NT5DC3: variants seen among roughly 807,000 people sequenced by gnomAD.
NT5DC3 encodes the protein 5'-nucleotidase domain containing 3.
A neutral mutation model predicts 67.8 loss-of-function variants in NT5DC3; 42 were observed. The ratio of observed to expected loss-of-function variants is 0.62; its 90% confidence interval spans 0.48 to 0.80. The LOEUF (loss-of-function observed/expected upper bound fraction) is 0.80, where lower values mean the gene tolerates loss of function less well. NT5DC3 is among the 30% of genes least tolerant of loss of function. The pLI, the probability that NT5DC3 is intolerant of heterozygous loss-of-function variation, is 0.00. For synonymous variants in NT5DC3, 237 were observed against 255.6 expected, an observed-to-expected ratio of 0.93 and a Z score of 0.69; for missense variants, 570 against 696.4, an observed-to-expected ratio of 0.82 and a Z score of 2.04.
At chr12:103,803,745 G>A (rs117932686) in intron 4 of NT5DC3, among the ~76,000 whole-genome samples, 14,430 of 151,950 alleles carry the variant, frequency 0.095, 961 homozygotes, top group East Asian at 0.29. Context: ...CTGTTCCTGC[G>A]TTAGCTTGCT....
intron 1 of NT5DC3, among the ~76,000 whole-genome samples, chr12:103,829,853 T>C (rs1239100219): frequency 6.6e-6 from 1 of 151,892 alleles, no homozygotes; most frequent in African/African-American, 2.4e-5. Context: ...TTTAGTGAGT[T>C]CCTTGATGGT....
At position 103,777,544 on chromosome 12, in the gene NT5DC3, C is replaced by A; in HGVS notation, c.*285G>T. ...CAGACATGGCATCAAGTGGTCTCAC[C>A]TATCCCAGGAAACCTGATGTTCCAG... On this transcript the variant is annotated 3_prime_UTR_variant, in exon 14 of 14. Coordinates refer to ENST00000392876, the MANE Select transcript of NT5DC3 (RefSeq NM_001031701.3). The A allele has an allele frequency of 2.2e-6, 1 of 454,182 alleles. No homozygotes were observed. Among genetic ancestry groups the A allele is most frequent in the East Asian group, 3.8e-5 (1 of 26,368 alleles). The allele number at this position is 454,182 out of a possible 1,614,324, so 28.1% of individuals were successfully genotyped here.
At chr12:103,766,440 C>A, downstream of NT5DC3, 1 of 1,332,284 alleles carries the variant, frequency 7.5e-7, no homozygotes, top group Non-Finnish European at 1.0e-6. Flanking sequence ...CCTTTAAGCA[C>A]TCAGAAGCCA....
intron 11 of NT5DC3, chr12:103,785,696 C>A: frequency 1.6e-6 from 1 of 621,210 alleles, no homozygotes; most frequent in Non-Finnish European, 3.0e-6. Context: ...AAATAATTGC[C>A]GTGAGTCACA....
At chr12:103,825,432 TA>T (rs1289491396) in intron 1 of NT5DC3, among the ~76,000 whole-genome samples, 2 of 152,112 alleles carry the variant, frequency 1.3e-5, no homozygotes, top group Non-Finnish European at 2.9e-5. Context: ...AAAAAATCTT[TA>T]AAAAAATCAA....
the NT5DC3 span, among the ~76,000 whole-genome samples, chr12:103,752,563 G>T: frequency 6.6e-6 from 1 of 152,128 alleles, no homozygotes; most frequent in Non-Finnish European, 1.5e-5. Context: ...CAGTATCTTA[G>T]GGGGAAATGA....
chr12:103,833,909 C>A (rs1239750953), intron 1 of NT5DC3, among the ~76,000 whole-genome samples: 1 of 152,154 alleles, frequency 6.6e-6, no homozygotes, highest in Non-Finnish European at 1.5e-5. Flanking sequence ...GAAGAGACCA[C>A]ACATAGGCAT....
intron 1 of NT5DC3, among the ~76,000 whole-genome samples, chr12:103,826,189 G>A (rs983621098): frequency 2.0e-5 from 3 of 152,162 alleles, no homozygotes; most frequent in Admixed American, 1.3e-4. Context: ...CCTCTCCAGG[G>A]AATCTTTGAG....
downstream of NT5DC3, among the ~76,000 whole-genome samples, chr12:103,772,122 T>G (rs1885199458): frequency 6.6e-6 from 1 of 152,208 alleles, no homozygotes; most frequent in Non-Finnish European, 1.5e-5. Context: ...ATCCCTTCTC[T>G]CAGGGATAAA....
At chr12:103,806,448 T>G in intron 3 of NT5DC3, 71 bp from the exon 4 acceptor site, 1 of 1,055,410 alleles carries the variant, frequency 9.5e-7, no homozygotes. Context: ...GCCATCCAGG[T>G]GTCATCATAT....
chr12:103,838,403 T>C (rs968447867), intron 1 of NT5DC3, among the ~76,000 whole-genome samples: 1 of 152,236 alleles, frequency 6.6e-6, no homozygotes, highest in Non-Finnish European at 1.5e-5. Context: ...ATGATGCTAC[T>C]GCTACCTGCA....
At chr12:103,834,896 G>C (rs1359462965) in intron 1 of NT5DC3, among the ~76,000 whole-genome samples, 1 of 152,166 alleles carries the variant, frequency 6.6e-6, no homozygotes, top group Non-Finnish European at 1.5e-5. Flanking sequence ...TTGTCCTCTT[G>C]CAACTGGGGG....
the NT5DC3 span, among the ~76,000 whole-genome samples, chr12:103,760,218 T>G: frequency 3.3e-5 from 5 of 152,140 alleles, no homozygotes; most frequent in African/African-American, 1.2e-4. Flanking sequence ...TCAAGTGACT[T>G]CTGCTCAAAA....
At chr12:103,840,768 T>C (rs914215578) in intron 1 of NT5DC3, among the ~76,000 whole-genome samples, 181 bp downstream of exon 1, 30 of 152,216 alleles carry the variant, frequency 2.0e-4, no homozygotes, top group Non-Finnish European at 2.9e-4. Context: ...TTTTTCCCCG[T>C]TTCCCCGAGT....
rs562880898 is a variant in NT5DC3, at chr12:103,833,715, T to C, written c.208+7234A>G. Among the ~76,000 whole-genome samples the C allele has an allele frequency of 5.8e-5, 7 of 120,908 alleles. No individual in the cohort carries two copies. In the East Asian group the frequency reaches 1.9e-3, roughly 34 times the overall value. The allele number at this position is 120,908 out of a possible 152,430, so 79.3% of individuals were successfully genotyped here. Reference sequence around the variant, plus strand: ...ATAAACCAGGCTCCAAGATTAATTCTAATGAAAAAAAAAAAAAATCCGTGC... The same window carrying C: ...ATAAACCAGGCTCCAAGATTAATTCCAATGAAAAAAAAAAAAAATCCGTGC... On this transcript the variant is annotated intron_variant, in intron 1 of 13. Transcript: ENST00000392876.
chr12:103,813,802 G>A (rs1334264710), intron 2 of NT5DC3, among the ~76,000 whole-genome samples: 1 of 152,220 alleles, frequency 6.6e-6, no homozygotes, highest in African/African-American at 2.4e-5. Context: ...CTTGGGAAAA[G>A]TCTTAGAGGG....
At chr12:103,762,455 C>T in the NT5DC3 span, 1 of 1,612,738 alleles carries the variant, frequency 6.2e-7, no homozygotes, top group Non-Finnish European at 8.5e-7. Context: ...AAAACCCAGT[C>T]CCTGGACCTG....
downstream of NT5DC3, among the ~76,000 whole-genome samples, chr12:103,767,310 A>C (rs1885024423): frequency 6.6e-6 from 1 of 152,244 alleles, no homozygotes; most frequent in Middle Eastern, 3.2e-3. Context: ...GAAGCCAGTC[A>C]CAAAGGACCA....
chr12:103,803,830 T>C (rs1339743397), intron 4 of NT5DC3, among the ~76,000 whole-genome samples: 1 of 150,222 alleles, frequency 6.7e-6, no homozygotes, highest in Non-Finnish European at 1.5e-5. Context: ...TTTGTAATTG[T>C]CCATACTAAA....
Sources: gnomAD v4.1 joint callset for allele counts (sites outside exome capture counted in the v4.1 genomes callset) on GRCh38, gnomAD v4.1.1 for gene constraint, MANE v1.5 for transcripts, NCBI Gene and HGNC (gene_info 2026-07-23, HGNC 2026-07-21) for gene names.